Variants in CSMD1 observed in about 807,000 individuals in gnomAD.
CSMD1 encodes CUB and sushi domain-containing protein 1.
Under a neutral mutation model 417.5 loss-of-function variants are expected in CSMD1, and 213 were observed. That is an observed-to-expected ratio of 0.51 (90% CI 0.46 to 0.57). CSMD1 has a LOEUF of 0.57. CSMD1 is among the 20% of genes least tolerant of loss of function. The pLI is 0.00. For synonymous variants in CSMD1, 2,862 were observed against 1,736.8 expected (o/e 1.65, Z -16.11); for missense variants, 6,923 against 4,529.7 (o/e 1.53, Z -15.17).
chr8:2,984,111 G>A (rs140088631), intron 54 of CSMD1, among the ~76,000 whole-genome samples: 152 of 152,234 alleles, frequency 1.0e-3, no homozygotes, highest in African/African-American at 3.5e-3. Flanking sequence ...GACATTCTGA[G>A]AATAAAAGGC....
intron 3 of CSMD1, among the ~76,000 whole-genome samples, chr8:4,063,390 T>C (rs932516947): frequency 6.6e-6 from 1 of 152,112 alleles, no homozygotes; most frequent in Non-Finnish European, 1.5e-5. Flanking sequence ...ACAAGTAAAC[T>C]ATATAGATTA....
At chr8:4,006,742 G>T (rs1428211295) in intron 4 of CSMD1, among the ~76,000 whole-genome samples, 1 of 151,486 alleles carries the variant, frequency 6.6e-6, no homozygotes, top group South Asian at 2.1e-4. Flanking sequence ...ACTGGAACCA[G>T]AAGGAACTCA....
intron 3 of CSMD1, among the ~76,000 whole-genome samples, chr8:4,197,366 G>C (rs1799399042): frequency 6.6e-6 from 1 of 152,112 alleles, no homozygotes; most frequent in African/African-American, 2.4e-5. Flanking sequence ...CATTATTGTG[G>C]GTGTGTCTGT....
At chr8:4,864,805 T>C (rs953411562) in intron 1 of CSMD1, among the ~76,000 whole-genome samples, 8 of 151,538 alleles carry the variant, frequency 5.3e-5, no homozygotes, top group African/African-American at 1.7e-4. Flanking sequence ...TTTTGTATTC[T>C]CTGTAATCTT....
At chr8:3,986,530 C>T (rs55780782) in intron 5 of CSMD1, among the ~76,000 whole-genome samples, 8 of 152,064 alleles carry the variant, frequency 5.3e-5, no homozygotes, top group East Asian at 3.9e-4. Flanking sequence ...TTTCTACTCC[C>T]ATGATCAGCA....
At chr8:4,810,557 G>A (rs759179273) in intron 1 of CSMD1, among the ~76,000 whole-genome samples, 2 of 152,214 alleles carry the variant, frequency 1.3e-5, no homozygotes, top group East Asian at 1.9e-4. Context: ...GCGCGTATGT[G>A]TGTGTATGTG....
rs142170754 is a variant in CSMD1, at chr8:4,469,280, T to C, written c.303-49215A>G. Among the ~76,000 whole-genome samples the C allele has an allele frequency of 1.6e-3, 247 of 152,286 alleles. 3 individuals carry two copies. In the South Asian group the frequency reaches 0.018, roughly 11 times the overall value. On this transcript the variant is annotated intron_variant, in intron 2 of 69. Transcript: ENST00000635120. The stretch of plus-strand genomic sequence containing the variant: ...TCAGGCTGCAGCAAAGACACTATGA[T>C]TGTCATAGTCAGTGGGACTTTCTCA...
At chr8:4,078,485 C>G (rs1017926650) in intron 3 of CSMD1, among the ~76,000 whole-genome samples, 1 of 151,628 alleles carries the variant, frequency 6.6e-6, no homozygotes, top group Admixed American at 6.6e-5. Flanking sequence ...AGGATGGTCT[C>G]GATCTCCTGA....
rs544029304 is a variant in CSMD1 at position 3,662,960 on chromosome 8, C to A, written c.1009+45454G>T. Among the ~76,000 whole-genome samples, 73 of 152,176 alleles carry A rather than the reference C, an allele frequency of 4.8e-4. 1 individual carries two copies. Among genetic ancestry groups the A allele is most frequent in the African/African-American group, 1.7e-3 (70 of 41,520 alleles). ...CCATGGCACATGTGTTCCTATGTAA[C>A]AAACCTGCAGGTTCTGCACAAGTAT... On this transcript the variant is annotated intron_variant, in intron 7 of 69. Coordinates refer to ENST00000635120, the MANE Select transcript of CSMD1 (RefSeq NM_033225.6).
intron 10 of CSMD1, among the ~76,000 whole-genome samples, chr8:3,497,382 T>G (rs927531041): frequency 6.6e-6 from 1 of 151,598 alleles, no homozygotes; most frequent in South Asian, 2.1e-4. Context: ...TTGTCTCATT[T>G]TACATTTGTT....
chr8:3,873,839 T>C lies in CSMD1; in HGVS notation c.819-119797A>G, dbSNP rs75227142. On this transcript the variant is annotated intron_variant, in intron 5 of 69. Transcript: ENST00000635120. ...ACATGGTCACGGTGTTTGTAGTTTC[T>C]GGATGTTAGGAACACAGAGGAGATA... 4.4e-3 allele frequency among the ~76,000 whole-genome samples: 669 copies of C among 152,304 alleles called. 2 individuals are homozygous for C. Among genetic ancestry groups the C allele is most frequent in the Non-Finnish European group, 7.6e-3 (519 of 68,024 alleles).
rs1800221230 is a variant in CSMD1, at chr8:3,797,447, C to T, written c.819-43405G>A. On this transcript the variant is annotated intron_variant, in intron 5 of 69. Coordinates refer to ENST00000635120, the MANE Select transcript of CSMD1 (RefSeq NM_033225.6). ...ACATTCAGTTTCCATCCCTTCCCTC[C>T]ACAGGCAACTTTTCTGGTTTTATTA... Among the ~76,000 whole-genome samples, 3 of 152,038 alleles carry T rather than the reference C, an allele frequency of 2.0e-5. No homozygotes were observed. The South Asian group carries it at 6.2e-4, about 31-fold the overall frequency.
intron 26 of CSMD1, among the ~76,000 whole-genome samples, chr8:3,266,173 C>T (rs1385839947): frequency 6.6e-6 from 1 of 150,862 alleles, no homozygotes; most frequent in Non-Finnish European, 1.5e-5. Flanking sequence ...ACACCTGCCT[C>T]TCAAGGGCAA....
intron 3 of CSMD1, among the ~76,000 whole-genome samples, chr8:4,268,816 T>C (rs141678875): frequency 2.4e-3 from 360 of 152,206 alleles, no homozygotes; most frequent in African/African-American, 8.2e-3. Context: ...AAATGGTTAA[T>C]AGCCCCCAAG....
chr8:3,641,821 C>A (rs1372519589), intron 7 of CSMD1, among the ~76,000 whole-genome samples: 1 of 152,184 alleles, frequency 6.6e-6, no homozygotes, highest in Non-Finnish European at 1.5e-5. Flanking sequence ...CTTTGTCGAT[C>A]TCTTCCCTCA....
intron 4 of CSMD1, among the ~76,000 whole-genome samples, chr8:4,008,263 T>A (rs2130415738): frequency 6.6e-6 from 1 of 152,270 alleles, no homozygotes. Context: ...AAATATGAAA[T>A]GTATTAAAAT....
At chr8:3,129,972 C>G (rs1464393940) in intron 41 of CSMD1, among the ~76,000 whole-genome samples, 1 of 151,720 alleles carries the variant, frequency 6.6e-6, no homozygotes, top group Non-Finnish European at 1.5e-5. Flanking sequence ...CAGAGTGAGA[C>G]TCTGTCCCAA....
At chr8:3,726,214 C>T (rs950342383) in intron 6 of CSMD1, among the ~76,000 whole-genome samples, 1 of 152,156 alleles carries the variant, frequency 6.6e-6, no homozygotes, top group Non-Finnish European at 1.5e-5. Context: ...CCTGCAGCCC[C>T]AGCCAGCATT....
At chr8:4,873,258 G>C (rs751499207) in intron 1 of CSMD1, among the ~76,000 whole-genome samples, 1 of 152,056 alleles carries the variant, frequency 6.6e-6, no homozygotes, top group Admixed American at 6.6e-5. Flanking sequence ...AATTCACTCA[G>C]ATCAAAATCT....
Sources: gnomAD v4.1 joint callset for allele counts (sites outside exome capture counted in the v4.1 genomes callset) on GRCh38, gnomAD v4.1.1 for gene constraint, MANE v1.5 for transcripts, NCBI Gene and HGNC (gene_info 2026-07-23, HGNC 2026-07-21) for gene names.